EXT1: variants seen among roughly 807,000 people sequenced by gnomAD.
EXT1 encodes exostosin glycosyltransferase 1.
Under a neutral mutation model 82.5 loss-of-function variants are expected in EXT1, and 20 were observed. That is an observed-to-expected ratio of 0.24 (90% CI 0.17 to 0.35). EXT1 has a LOEUF of 0.35. EXT1 is among the 10% of genes least tolerant of loss of function. EXT1 has a pLI of 1.00. For missense variants in EXT1, 757 were observed against 936.5 expected (o/e 0.81, Z 2.50); for synonymous variants, 348 against 350.8 (o/e 0.99, Z 0.09).
At chr8:118,042,587 G>A (rs1402051482) in intron 1 of EXT1, among the ~76,000 whole-genome samples, 4 of 152,106 alleles carry the variant, frequency 2.6e-5, no homozygotes, top group Non-Finnish European at 4.4e-5. Flanking sequence ...GAGCCTCTGG[G>A]GGCACCTGGC....
At chr8:117,800,740 A>T (rs1316873541) in intron 10 of EXT1, among the ~76,000 whole-genome samples, 1 of 152,066 alleles carries the variant, frequency 6.6e-6, no homozygotes, top group Non-Finnish European at 1.5e-5. Context: ...ATAAAGATTA[A>T]CTCTCGACAA....
At chr8:117,978,758 T>C (rs988138322) in intron 1 of EXT1, among the ~76,000 whole-genome samples, 1 of 152,190 alleles carries the variant, frequency 6.6e-6, no homozygotes, top group African/African-American at 2.4e-5. Context: ...AAGGCTAGCT[T>C]TGGTTTGGGG....
chr8:118,074,391 A>C (rs1466897991), intron 1 of EXT1, among the ~76,000 whole-genome samples: 1 of 152,180 alleles, frequency 6.6e-6, no homozygotes, highest in Non-Finnish European at 1.5e-5. Flanking sequence ...GCTAAGTTGC[A>C]GGGAAGCTAT....
At chr8:117,861,817 C>A (rs547150280) in intron 1 of EXT1, among the ~76,000 whole-genome samples, 1 of 144,632 alleles carries the variant, frequency 6.9e-6, no homozygotes, top group East Asian at 1.9e-4. Context: ...GTCTTAAAAA[C>A]CCAGATCCTC....
intron 1 of EXT1, among the ~76,000 whole-genome samples, chr8:117,870,864 T>TA (rs1354382321): frequency 7.6e-5 from 10 of 130,936 alleles, no homozygotes; most frequent in African/African-American, 4.4e-4. Context: ...ATTGAAGGAA[T>TA]AAAAAACATA....
chr8:117,816,196 A>T (rs911911018), intron 7 of EXT1, among the ~76,000 whole-genome samples: 4 of 152,058 alleles, frequency 2.6e-5, no homozygotes, highest in Non-Finnish European at 5.9e-5. Flanking sequence ...CTTTCCATTT[A>T]TTGAAAGGGG....
At chr8:117,923,566 AAT>A (rs1390935147) in intron 1 of EXT1, among the ~76,000 whole-genome samples, 8 of 151,194 alleles carry the variant, frequency 5.3e-5, no homozygotes, top group African/African-American at 1.7e-4. Flanking sequence ...AAAAAAAAAA[AAT>A]ACAAAAAATT....
chr8:117,882,036 A>T (rs1813070378), intron 1 of EXT1, among the ~76,000 whole-genome samples: 1 of 152,218 alleles, frequency 6.6e-6, no homozygotes, highest in African/African-American at 2.4e-5. Flanking sequence ...CTGTTAAGGA[A>T]CCTGTAACCA....
chr8:117,812,602 G>C (rs1157210706), intron 8 of EXT1, among the ~76,000 whole-genome samples: 1 of 152,136 alleles, frequency 6.6e-6, no homozygotes, highest in Non-Finnish European at 1.5e-5. Flanking sequence ...AAACAAAAAA[G>C]GAGGGCAGGC....
At chr8:117,891,450 G>T (rs937050708) in intron 1 of EXT1, among the ~76,000 whole-genome samples, 1 of 152,158 alleles carries the variant, frequency 6.6e-6, no homozygotes, top group Admixed American at 6.5e-5. Context: ...TTGAGCAGCT[G>T]TAATTGACTA....
chr8:118,016,766 A>C (rs1644103588), intron 1 of EXT1, among the ~76,000 whole-genome samples: 1 of 152,208 alleles, frequency 6.6e-6, no homozygotes, highest in African/African-American at 2.4e-5. Flanking sequence ...CTGAAAAGGC[A>C]CTGTGAATGG....
intron 1 of EXT1, among the ~76,000 whole-genome samples, chr8:118,064,414 T>G (rs1816939452): frequency 1.3e-5 from 2 of 152,058 alleles, no homozygotes; most frequent in East Asian, 1.9e-4. Flanking sequence ...CACTTATGAG[T>G]GAGAACATGC....
chr8:118,046,958 G>A (rs1056480897), intron 1 of EXT1, among the ~76,000 whole-genome samples: 10 of 152,170 alleles, frequency 6.6e-5, no homozygotes, highest in Non-Finnish European at 1.0e-4. Flanking sequence ...TGAAAAATTA[G>A]CTGCCAGATT....
intron 1 of EXT1, among the ~76,000 whole-genome samples, chr8:117,921,156 G>T (rs1050407052): frequency 3.9e-5 from 6 of 152,088 alleles, no homozygotes; most frequent in Admixed American, 3.9e-4. Context: ...ACTAATAAAG[G>T]CTTTGGGCAA....
chr8:117,816,261 G>A (rs560609498), intron 7 of EXT1, among the ~76,000 whole-genome samples: 18 of 152,190 alleles, frequency 1.2e-4, no homozygotes, highest in African/African-American at 4.1e-4. Context: ...AAGTAATTTT[G>A]ACTTTAGAGC....
chr8:117,949,164 A>G (rs1473356753), intron 1 of EXT1, among the ~76,000 whole-genome samples: 1 of 152,182 alleles, frequency 6.6e-6, no homozygotes, highest in Non-Finnish European at 1.5e-5. Context: ...GAACCAGATG[A>G]TTCTGCAAGT....
At chr8:118,022,175 G>A (rs1816114443) in intron 1 of EXT1, among the ~76,000 whole-genome samples, 1 of 151,506 alleles carries the variant, frequency 6.6e-6, no homozygotes, top group East Asian at 1.9e-4. Context: ...CTTTACATCA[G>A]GTACAAATTA....
rs892873614 is a variant in EXT1, at chr8:117,887,802, C to T, written c.963-50601G>A. 2.6e-5 allele frequency among the ~76,000 whole-genome samples: 4 copies of T among 152,020 alleles called. No individual in the cohort carries two copies. The East Asian group carries it at 5.8e-4, about 22-fold the overall frequency. On this transcript the variant is annotated intron_variant, in intron 1 of 10. Coordinates refer to ENST00000378204, the MANE Select transcript of EXT1 (RefSeq NM_000127.3). ...TATATTTAAATATAATGCCTCTTCT[C>T]GGGCCTGGCACGGTGACTCACGCCT...
intron 1 of EXT1, among the ~76,000 whole-genome samples, chr8:117,980,354 C>G (rs1256136368): frequency 6.6e-6 from 1 of 152,174 alleles, no homozygotes; most frequent in African/African-American, 2.4e-5. Flanking sequence ...AAATATTGCT[C>G]TAATCCATAC....
Sources: gnomAD v4.1 joint callset for allele counts (sites outside exome capture counted in the v4.1 genomes callset) on GRCh38, gnomAD v4.1.1 for gene constraint, MANE v1.5 for transcripts, NCBI Gene and HGNC (gene_info 2026-07-23, HGNC 2026-07-21) for gene names.